Variants in TEX52 observed in about 807,000 individuals in gnomAD.
TEX52 encodes the protein testis-expressed protein 52.
TEX52 carries 22 observed loss-of-function variants against 17.6 expected under a neutral mutation model. The ratio of observed to expected loss-of-function variants is 1.25; its 90% CI spans 0.89 to 1.78. The LOEUF (loss-of-function observed/expected upper bound fraction) is 1.78. Ranked by LOEUF, TEX52 falls within the 40% of genes most tolerant of loss-of-function variation. The pLI is 0.00. For synonymous variants in TEX52, 168 were observed against 147.4 expected (o/e 1.14, Z -1.01); for missense variants, 396 against 372.3 (o/e 1.06, Z -0.52).
chr12:2,855,387 G>A lies in TEX52; in HGVS notation c.132C>T (p.Phe44=), dbSNP rs2098084172. The part of the protein sequence containing the change: ...PSQTWAQREF[F]LPSESWEFPG... Reference sequence around the variant, plus strand: ...GGAACTCCCAGGACTCGCTGGGGAGGAAGAACTCACGCTGAGCCCACGTTT... The same window carrying A: ...GGAACTCCCAGGACTCGCTGGGGAGAAAGAACTCACGCTGAGCCCACGTTT... The change falls in exon 2 of 3, where the codon TTC becomes TTT. Residue 44 remains phenylalanine (F), a synonymous_variant. Transcript: ENST00000637658. 3 of 1,056,696 alleles carry A rather than the reference G, an allele frequency of 2.8e-6. No individual in the cohort carries two copies. Among genetic ancestry groups the A allele is most frequent in the Non-Finnish European group, 3.8e-6 (3 of 789,462 alleles). The allele number at this position is 1,056,696 out of a possible 1,614,324, so 65.5% of individuals were successfully genotyped here. A position where few individuals can be genotyped will look rare whatever the true frequency, so the allele number is the denominator to read the frequency against.
intron 2 of TEX52, 108 bp downstream of exon 2, chr12:2,854,788 C>G (rs1328670374): frequency 8.4e-7 from 1 of 1,190,988 alleles, no homozygotes; most frequent in Admixed American, 2.8e-5. Context: ...TTTCAGATGG[C>G]CAGAGCGGGG....
chr12:2,850,978 CTTTTTTTT>C (rs35125854), intron 2 of TEX52, among the ~76,000 whole-genome samples: 30 of 81,670 alleles, frequency 3.7e-4, no homozygotes, highest in Non-Finnish European at 5.5e-4. Flanking sequence ...GGCCCAGAGT[CTTTTTTTT>C]TTTTTTTTTT....
At chr12:2,850,208 G>T (rs576753687) in intron 2 of TEX52, among the ~76,000 whole-genome samples, 1 of 152,256 alleles carries the variant, frequency 6.6e-6, no homozygotes, top group Non-Finnish European at 1.5e-5. Flanking sequence ...GGACCCAGTG[G>T]CTCACACCTG....
At chr12:2,854,661 A>G (rs1205285600) in intron 2 of TEX52, among the ~76,000 whole-genome samples, 1 of 152,200 alleles carries the variant, frequency 6.6e-6, no homozygotes, top group Non-Finnish European at 1.5e-5. Flanking sequence ...CCCAGTGCCT[A>G]CCAGGTGTCA....
chr12:2,852,688 G>T (rs2098074879), intron 2 of TEX52, among the ~76,000 whole-genome samples: 1 of 152,068 alleles, frequency 6.6e-6, no homozygotes, highest in African/African-American at 2.4e-5. Flanking sequence ...GACCTGTCCA[G>T]CTCAGATAGC....
chr12:2,848,816 A>T (rs1161263696), downstream of TEX52, among the ~76,000 whole-genome samples: 1 of 151,818 alleles, frequency 6.6e-6, no homozygotes, highest in Admixed American at 6.6e-5. Context: ...GAGTGGAGAT[A>T]GCTTCTTCTT....
intron 2 of TEX52, among the ~76,000 whole-genome samples, chr12:2,850,214 A>G (rs1401548884): frequency 1.3e-5 from 2 of 152,110 alleles, no homozygotes; most frequent in Non-Finnish European, 2.9e-5. Context: ...AGTGGCTCAC[A>G]CCTGTAATCC....
At chr12:2,850,884 C>A (rs1014201171) in intron 2 of TEX52, among the ~76,000 whole-genome samples, 3 of 151,040 alleles carry the variant, frequency 2.0e-5, no homozygotes, top group Admixed American at 6.6e-5. Context: ...GTTGGCCAGG[C>A]TGGTCTCGAA....
At chr12:2,851,537 T>A (rs1188113651) in intron 2 of TEX52, among the ~76,000 whole-genome samples, 1 of 151,812 alleles carries the variant, frequency 6.6e-6, no homozygotes, top group Non-Finnish European at 1.5e-5. Flanking sequence ...GAGACAGGGT[T>A]TCGCCATGGT....
chr12:2,847,730 A>T (rs1444979126), downstream of TEX52, among the ~76,000 whole-genome samples: 1 of 151,448 alleles, frequency 6.6e-6, no homozygotes, highest in African/African-American at 2.4e-5. Context: ...CAAGCCCCTG[A>T]TATCTTCTAT....
chr12:2,855,341 A>G lies in TEX52; in HGVS notation c.178T>C (p.Tyr60His), dbSNP rs973410744. The G allele has an allele frequency of 7.6e-5, 100 of 1,317,750 alleles. No homozygotes were observed. The African/African-American group carries it at 1.4e-3, about 18-fold the overall frequency. The allele number at this position is 1,317,750 out of a possible 1,614,324, so 81.6% of individuals were successfully genotyped here. Reference protein sequence around the residue: ...WEFPGFTRQAYHQLALKLPPC... With the variant: ...WEFPGFTRQAHHQLALKLPPC... ...GGCAGCTTCAGAGCCAGCTGGTGGT[A>G]GGCTTGCCGGGTGAAGCCAGGGAAC... The change falls in exon 2 of 3, where the codon TAC becomes CAC. Residue 60 changes from tyrosine (Y) to histidine (H), a missense_variant. Coordinates refer to ENST00000637658, the MANE Select transcript of TEX52 (RefSeq NM_001365174.2).
rs898453529 is a variant in TEX52 at position 2,849,225 on chromosome 12, G to A, written c.*6C>T. 1 of 1,532,540 alleles carries A rather than the reference G, an allele frequency of 6.5e-7. No individual in the cohort carries two copies. Among genetic ancestry groups the A allele is most frequent in the Admixed American group, 2.0e-5 (1 of 50,132 alleles). The allele number at this position is 1,532,540 out of a possible 1,614,324, so 94.9% of individuals were successfully genotyped here. A position where few individuals can be genotyped will look rare whatever the true frequency, so the allele number is the denominator to read the frequency against. ...GGTATCACGATCGTCCCCTCTGGAA[G>A]CCCTTCTAGAAGTGTCCAGGTCTTC... is the stretch of plus-strand genomic sequence containing the variant. On this transcript the variant is annotated 3_prime_UTR_variant, in exon 3 of 3. Transcript: ENST00000637658.
In TEX52 at chr12:2,849,103, G is replaced by A. The variant is rs138258603; in HGVS notation, c.*128C>T. 225 of 947,632 alleles carry A rather than the reference G, an allele frequency of 2.4e-4. No homozygotes were observed. Among genetic ancestry groups the A allele is most frequent in the Middle Eastern group, 3.4e-4 (1 of 2,970 alleles). 58.7% of individuals were successfully genotyped at this position (947,632 alleles called of 1,614,324 possible). On this transcript the variant is annotated 3_prime_UTR_variant, in exon 3 of 3. Transcript: ENST00000637658. ...GAGGTGGCTTGAGGCTGGGAGGATGGTGGAGAGGCTGTTCTGCAGAAGCCA... is the reference window on the plus strand; with the variant it reads ...GAGGTGGCTTGAGGCTGGGAGGATGATGGAGAGGCTGTTCTGCAGAAGCCA...
intron 2 of TEX52, among the ~76,000 whole-genome samples, chr12:2,850,302 C>T (rs1321370587): frequency 1.3e-5 from 2 of 151,872 alleles, no homozygotes; most frequent in Admixed American, 6.6e-5. Context: ...GATGAAACTC[C>T]GTCTCTACTA....
At chr12:2,848,983 C>T (rs955485313), downstream of TEX52, 2 of 504,000 alleles carry the variant, frequency 4.0e-6, no homozygotes, top group Non-Finnish European at 7.0e-6. Context: ...TACCCAGCCT[C>T]CTGGCCGCAG....
chr12:2,849,462 C>T lies in TEX52; in HGVS notation c.687G>A (p.Pro229=), dbSNP rs759068233. Residue 229 remains proline (P), a synonymous_variant, in exon 3 of 3, where the codon CCG becomes CCA. Coordinates refer to ENST00000637658, the MANE Select transcript of TEX52 (RefSeq NM_001365174.2). ...AGCTCCTGGCGAAATTATTGGGAAA[C>T]GGGTTGGGCATGAGCTGGAGGCCCT... The part of the protein sequence containing the change: ...EPQGLQLMPN[P]FPNNFARSWP... 1.6e-5 allele frequency: 25 copies of T among 1,536,024 alleles called. No homozygotes were observed. The highest frequency in any genetic ancestry group is 4.9e-5 in the East Asian group (2 of 40,928).
chr12:2,849,284 G>C lies in TEX52; in HGVS notation c.865C>G (p.Gln289Glu), dbSNP rs185720432. 3 of 1,536,136 alleles carry C rather than the reference G, an allele frequency of 2.0e-6. No individual in the cohort carries two copies. Among genetic ancestry groups the C allele is most frequent in the Non-Finnish European group, 2.6e-6 (3 of 1,146,916 alleles). Reference sequence around the variant, plus strand: ...TTCCTTGCTGGGGATTTGCTTGCTTGTGCCTTGGAGAGATGGTGGAGGGGT... The same window carrying C: ...TTCCTTGCTGGGGATTTGCTTGCTTCTGCCTTGGAGAGATGGTGGAGGGGT... Reference protein sequence around the residue: ...ALPLHHLSKAQASKSPARKRK... With the variant: ...ALPLHHLSKAEASKSPARKRK... The change falls in exon 3 of 3, where the codon CAA becomes GAA. Residue 289 changes from glutamine (Q) to glutamate (E), a missense_variant. Coordinates refer to ENST00000637658, the MANE Select transcript of TEX52 (RefSeq NM_001365174.2).
downstream of TEX52, among the ~76,000 whole-genome samples, chr12:2,848,494 C>T (rs537509825): frequency 4.3e-4 from 65 of 152,318 alleles, no homozygotes; most frequent in Non-Finnish European, 7.6e-4. Flanking sequence ...CACACCCTTC[C>T]CCCACAGGTA....
rs925562970 is a variant in TEX52, at chr12:2,852,050, GT to G, written c.624-2526del. Reference sequence around the variant, plus strand: ...ACAACTTCAACATCATCAGGCAGGAGTTTTTTTTTTAGCTCCATTATAATCT... The same window carrying G: ...ACAACTTCAACATCATCAGGCAGGAGTTTTTTTTTAGCTCCATTATAATCT... On this transcript the variant is annotated intron_variant, in intron 2 of 2. Transcript: ENST00000637658. Among the ~76,000 whole-genome samples the G allele has an allele frequency of 5.9e-4, 88 of 149,714 alleles. 1 individual carries two copies. The highest frequency in any genetic ancestry group is 3.9e-4 in the Non-Finnish European group (26 of 67,160).
Sources: gnomAD v4.1 joint callset for allele counts (sites outside exome capture counted in the v4.1 genomes callset) on GRCh38, gnomAD v4.1.1 for gene constraint, MANE v1.5 for transcripts, NCBI Gene and HGNC (gene_info 2026-07-23, HGNC 2026-07-21) for gene names.